Variants in ZFHX3 observed in about 807,000 individuals in gnomAD.
ZFHX3 encodes zinc finger homeobox 3, also known as zinc finger homeobox protein 3.
Under a neutral mutation model 279.1 loss-of-function variants are expected in ZFHX3, and 42 were observed. The observed-to-expected ratio is 0.15, with a 90% CI of 0.12 to 0.19. The LOEUF (loss-of-function observed/expected upper bound fraction) is 0.19, where lower values mean the gene tolerates loss of function less well. ZFHX3 is among the 10% of genes least tolerant of loss of function. The pLI, the probability that ZFHX3 is intolerant of heterozygous loss-of-function variation, is 1.00. For missense variants in ZFHX3, 4,981 were observed against 4,754.0 expected (o/e 1.05, Z -1.40); for synonymous variants, 2,293 against 1,957.8 (o/e 1.17, Z -4.52).
intron 8 of ZFHX3, chr16:73,092,849 G>A: frequency 2.0e-6 from 1 of 499,070 alleles, no homozygotes; most frequent in South Asian, 1.5e-5. Context: ...TGCAGACCCG[G>A]AGTTTAATAG....
At chr16:73,151,722 C>T (rs761740740) in intron 5 of ZFHX3, among the ~76,000 whole-genome samples, 56 of 152,210 alleles carry the variant, frequency 3.7e-4, no homozygotes, top group Non-Finnish European at 6.6e-4. Flanking sequence ...ATCTGAATTC[C>T]TCTAAATTCC....
At chr16:73,597,044 T>A (rs1204335307) in intron 2 of ZFHX3, among the ~76,000 whole-genome samples, 2 of 152,224 alleles carry the variant, frequency 1.3e-5, no homozygotes, top group Admixed American at 1.3e-4. Context: ...TGGATACTGT[T>A]CATCACCATA....
At chr16:73,393,559 G>C (rs954424790) in intron 3 of ZFHX3, among the ~76,000 whole-genome samples, 4 of 152,156 alleles carry the variant, frequency 2.6e-5, no homozygotes, top group African/African-American at 9.7e-5. Context: ...CTTCAAAGTC[G>C]CTGGCGAGAA....
chr16:72,787,936 T>G lies in ZFHX3; in HGVS notation c.10340A>C (p.Lys3447Thr). Residue 3447 changes from lysine (K) to threonine (T), a missense_variant, in exon 10 of 10, where the codon AAA becomes ACA. This residue lies in a region of ZFHX3 where 1,034 missense variants were observed against 786.0 expected (regional missense o/e 1.32). Coordinates refer to ENST00000268489, the MANE Select transcript of ZFHX3 (RefSeq NM_006885.4). ...GGGGTCGTAGAGGGAGTCCGCACTT[T>G]TGCTTTCTGCTTCTGGCTCTTCAGG... ...KLPEEPEAES[K>T]SADSLYDPFI... The G allele has an allele frequency of 6.2e-7, 1 of 1,613,774 alleles. No individual in the cohort carries two copies. The highest frequency in any genetic ancestry group is 1.1e-5 in the South Asian group (1 of 91,042).
At chr16:73,409,921 C>T (rs2017433164) in intron 3 of ZFHX3, among the ~76,000 whole-genome samples, 1 of 150,758 alleles carries the variant, frequency 6.6e-6, no homozygotes, top group Admixed American at 6.6e-5. Context: ...AACAATTGAA[C>T]TCACGGAGAT....
chr16:73,248,041 C>A (rs956458003), intron 5 of ZFHX3, among the ~76,000 whole-genome samples: 10 of 148,390 alleles, frequency 6.7e-5, no homozygotes, highest in African/African-American at 2.5e-4. Flanking sequence ...GTATATGTAC[C>A]TGTATGTGGA....
At chr16:73,380,866 T>C (rs1055958600) in intron 3 of ZFHX3, among the ~76,000 whole-genome samples, 5 of 152,108 alleles carry the variant, frequency 3.3e-5, no homozygotes, top group African/African-American at 1.2e-4. Flanking sequence ...CCCAGAGTTA[T>C]ATATTCCTGG....
At chr16:73,428,620 T>C (rs1255566759) in intron 3 of ZFHX3, among the ~76,000 whole-genome samples, 3 of 152,094 alleles carry the variant, frequency 2.0e-5, no homozygotes, top group African/African-American at 7.2e-5. Context: ...CAGGGTCATG[T>C]CCATTTATAA....
chr16:73,728,548 C>G (rs2053541411), intron 1 of ZFHX3, among the ~76,000 whole-genome samples: 1 of 152,036 alleles, frequency 6.6e-6, no homozygotes. Context: ...TAATGTGTAG[C>G]CCGCAACTCA....
chr16:73,021,733 A>C (rs1216047853), intron 1 of ZFHX3, among the ~76,000 whole-genome samples: 1 of 149,520 alleles, frequency 6.7e-6, no homozygotes, highest in Non-Finnish European at 1.5e-5. Flanking sequence ...CAGGAGGCTG[A>C]GGCAGGAGAA....
At chr16:73,058,931 G>A in exon 1 of ZFHX3, 1 of 170,872 alleles carries the variant, frequency 5.9e-6, no homozygotes, top group South Asian at 1.3e-4. Flanking sequence ...CGGCGGCGGC[G>A]GCTGCGGCCG....
Position 72,811,955 on chromosome 16 carries a change from G to A in ZFHX3, c.3613C>T (p.Pro1205Ser), listed in dbSNP as rs367672863. Residue 1205 changes from proline (P) to serine (S), a missense_variant, in exon 6 of 10, where the codon CCC becomes TCC. Pro to Ser is a moderately conservative substitution (Grantham distance 74). Transcript: ENST00000268489. ...GTTTTTGGTCGCTTCGAAGAGAGGGGAGACTCTGAGCTACCTGGGAAGGAG... is the reference window on the plus strand; with the variant it reads ...GTTTTTGGTCGCTTCGAAGAGAGGGAAGACTCTGAGCTACCTGGGAAGGAG... ...RISFPGSSES[P>S]LSSKRPKTAE... 4.6e-5 allele frequency: 75 copies of A among 1,614,056 alleles called. No homozygotes were observed. The highest frequency in any genetic ancestry group is 5.7e-5 in the Non-Finnish European group (67 of 1,180,040).
At chr16:73,857,823 T>A (rs913032133) in intron 1 of ZFHX3, among the ~76,000 whole-genome samples, 3 of 152,178 alleles carry the variant, frequency 2.0e-5, no homozygotes, top group Non-Finnish European at 2.9e-5. Flanking sequence ...AATATGTCCC[T>A]GGGCCAGGCA....
chr16:73,816,772 T>A (rs960640601), intron 1 of ZFHX3, among the ~76,000 whole-genome samples: 5 of 152,086 alleles, frequency 3.3e-5, no homozygotes, highest in Non-Finnish European at 2.9e-5. Flanking sequence ...ACTGGATGGT[T>A]TGAAGTAACG....
At chr16:73,716,848 G>A (rs1015478302) in intron 1 of ZFHX3, among the ~76,000 whole-genome samples, 1 of 151,930 alleles carries the variant, frequency 6.6e-6, no homozygotes, top group African/African-American at 2.4e-5. Flanking sequence ...CTACTCAGCC[G>A]GCTCGCTCTC....
intron 5 of ZFHX3, among the ~76,000 whole-genome samples, chr16:73,170,223 G>GCT (rs1207492702): frequency 1.7e-5 from 1 of 57,718 alleles, no homozygotes; most frequent in East Asian, 4.9e-4. Flanking sequence ...CCTTTCACTA[G>GCT]TTTTTTTTTT....
intron 1 of ZFHX3, among the ~76,000 whole-genome samples, chr16:73,856,226 A>G (rs1008203115): frequency 6.6e-6 from 1 of 152,226 alleles, no homozygotes; most frequent in Non-Finnish European, 1.5e-5. Flanking sequence ...TGGTGGGATT[A>G]CACCTTATTT....
At chr16:72,900,399 C>T (rs573698823) in intron 3 of ZFHX3, among the ~76,000 whole-genome samples, 9 of 152,308 alleles carry the variant, frequency 5.9e-5, no homozygotes, top group South Asian at 2.1e-4. Context: ...CTGGTCAAAA[C>T]GGGTGTGCTA....
intron 1 of ZFHX3, among the ~76,000 whole-genome samples, chr16:73,722,903 G>A (rs1474407436): frequency 6.6e-6 from 1 of 152,150 alleles, no homozygotes; most frequent in Non-Finnish European, 1.5e-5. Context: ...CAGACAGGTG[G>A]AATTGGATGG....
Sources: gnomAD v4.1 joint callset for allele counts (sites outside exome capture counted in the v4.1 genomes callset) on GRCh38, gnomAD v4.1.1 for gene constraint, gnomAD v4.1.1 regional missense constraint, MANE v1.5 for transcripts, NCBI Gene and HGNC (gene_info 2026-07-23, HGNC 2026-07-21) for gene names.